NFIX: variants seen among roughly 807,000 people sequenced by gnomAD.
NFIX encodes nuclear factor I X.
NFIX carries 2 observed loss-of-function variants against 53.3 expected under a neutral mutation model. That is an observed-to-expected ratio of 0.04 (90% CI 0.02 to 0.12). The LOEUF (loss-of-function observed/expected upper bound fraction) is 0.12, where lower values mean the gene tolerates loss of function less well. Ranked by LOEUF, NFIX falls within the 10% of genes least tolerant of loss-of-function variation. The pLI is 1.00. For synonymous variants in NFIX, 244 were observed against 289.0 expected (o/e 0.84, Z 1.58); for missense variants, 310 against 674.5 (o/e 0.46, Z 5.99).
chr19:13,037,156 C>T lies in NFIX; in HGVS notation c.559+11604C>T, dbSNP rs926524013. 3.3e-5 allele frequency among the ~76,000 whole-genome samples: 5 copies of T among 152,164 alleles called. No individual in the cohort carries two copies. Among genetic ancestry groups the T allele is most frequent in the Non-Finnish European group, 7.4e-5 (5 of 68,026 alleles). On this transcript the variant is annotated intron_variant, in intron 2 of 10. Transcript: ENST00000592199. The surrounding 1 kb of genome is among the most constrained non-coding windows in gnomAD (Gnocchi z 4.2). ...TCATCTTTAGGGGGTCTCAAGTCCC[C>T]TTTCCTGTGTGTAGCAGATTCTGCC... is the stretch of plus-strand genomic sequence containing the variant.
In NFIX at chr19:13,027,870, A is replaced by G. The variant is rs1163773836; in HGVS notation, c.559+2318A>G. ...CTCCTCTACAAAAGCAGAGTAGGGA[A>G]CTAAGGGTGTATTTTATATCATTCA... On this transcript the variant is annotated intron_variant, in intron 2 of 10. Coordinates refer to ENST00000592199, the MANE Select transcript of NFIX (RefSeq NM_001365902.3). This position sits in a 1 kb window ranked among gnomAD's most constrained non-coding sequence, Gnocchi z 4.3. Among the ~76,000 whole-genome samples, 1 of 152,220 alleles carries G rather than the reference A, an allele frequency of 6.6e-6. No individual in the cohort carries two copies. The highest frequency in any genetic ancestry group is 1.9e-4 in the East Asian group (1 of 5,198).
At chr19:13,016,856 G>C (rs1291850846) in intron 1 of NFIX, among the ~76,000 whole-genome samples, 1 of 151,988 alleles carries the variant, frequency 6.6e-6, no homozygotes, top group African/African-American at 2.4e-5. Flanking sequence ...CTGCTCCTCC[G>C]GGCAGGTACT....
rs2014242312 is a variant in NFIX, at chr19:13,036,939, C to T, written c.559+11387C>T. On this transcript the variant is annotated intron_variant, in intron 2 of 10. Transcript: ENST00000592199. This position sits in a 1 kb window ranked among gnomAD's most constrained non-coding sequence, Gnocchi z 4.7. ...TGTTTCCTTAGTAACAGGAATGCTC[C>T]CGGGGGACCAAGTGAAGAAAGGCCT... Among the ~76,000 whole-genome samples the T allele has an allele frequency of 6.6e-6, 1 of 152,090 alleles. No homozygotes were observed. The highest frequency in any genetic ancestry group is 2.1e-4 in the South Asian group (1 of 4,814).
intron 2 of NFIX, among the ~76,000 whole-genome samples, chr19:13,047,138 G>A (rs1189237888): frequency 1.3e-5 from 2 of 152,038 alleles, no homozygotes; most frequent in Non-Finnish European, 2.9e-5. Context: ...GGATTCTTGG[G>A]ATCAATATCA....
chr19:13,008,937 T>G (rs2012172045), intron 1 of NFIX, among the ~76,000 whole-genome samples: 1 of 152,216 alleles, frequency 6.6e-6, no homozygotes, highest in African/African-American at 2.4e-5. Context: ...GAGTTCCTCC[T>G]GCAGTTCCAG....
rs2016897862 is a variant in NFIX at position 13,073,604 on chromosome 19, A to G, written c.697+108A>G. 1 of 1,032,074 alleles carries G rather than the reference A, an allele frequency of 9.7e-7. No homozygotes were observed. The highest frequency in any genetic ancestry group is 1.5e-6 in the Non-Finnish European group (1 of 662,482). The allele number at this position is 1,032,074 out of a possible 1,614,324, so 63.9% of individuals were successfully genotyped here. Reference sequence around the variant, plus strand: ...TCTTAGGGCAGGTGGATGGGAACAGATGCTTTCTGGGACACTCTCGGCTTC... The same window carrying G: ...TCTTAGGGCAGGTGGATGGGAACAGGTGCTTTCTGGGACACTCTCGGCTTC... On this transcript the variant is annotated intron_variant, in intron 4 of 10. Transcript: ENST00000592199. The surrounding 1 kb of genome is among the most constrained non-coding windows in gnomAD (Gnocchi z 4.5).
chr19:13,029,937 C>G lies in NFIX; in HGVS notation c.559+4385C>G, dbSNP rs984105543. 4.6e-5 allele frequency among the ~76,000 whole-genome samples: 7 copies of G among 152,208 alleles called. 1 individual carries two copies. Among genetic ancestry groups the G allele is most frequent in the Admixed American group, 4.6e-4 (7 of 15,282 alleles). ...CTGTGTCCATACTGCCAAGACGGGG[C>G]TGGTGCCAGCGAGGTTCCCCAAGCC... On this transcript the variant is annotated intron_variant, in intron 2 of 10. Transcript: ENST00000592199.
At position 13,051,852 on chromosome 19, in the gene NFIX, G is replaced by A. The variant is rs2015345128; in HGVS notation, c.560-21195G>A. On this transcript the variant is annotated intron_variant, in intron 2 of 10. Transcript: ENST00000592199. This position sits in a 1 kb window ranked among gnomAD's most constrained non-coding sequence, Gnocchi z 5.1. The stretch of plus-strand genomic sequence containing the variant: ...GCTGCCGCCTTAGCAGGTGCCTGGA[G>A]GGGGCGGGGCGGCTCCCGGGAGCAG... 6.6e-6 allele frequency among the ~76,000 whole-genome samples: 1 copy of A among 152,224 alleles called. No individual in the cohort carries two copies.
intron 2 of NFIX, among the ~76,000 whole-genome samples, chr19:13,050,826 T>C (rs1264171688): frequency 6.6e-6 from 1 of 152,186 alleles, no homozygotes; most frequent in Non-Finnish European, 1.5e-5. Context: ...TCCAGACTAC[T>C]GGGGAAGCTC....
At position 13,051,262 on chromosome 19, in the gene NFIX, C is replaced by T. The variant is rs932423616; in HGVS notation, c.560-21785C>T. Reference sequence around the variant, plus strand: ...CTCTAAATGAGTCACTCAGCTCTGGCTTTGCCAGGTGGCCCAGGGTAGGGG... The same window carrying T: ...CTCTAAATGAGTCACTCAGCTCTGGTTTTGCCAGGTGGCCCAGGGTAGGGG... On this transcript the variant is annotated intron_variant, in intron 2 of 10. Transcript: ENST00000592199. This position sits in a 1 kb window ranked among gnomAD's most constrained non-coding sequence, Gnocchi z 5.1. Among the ~76,000 whole-genome samples the T allele has an allele frequency of 7.4e-4, 113 of 152,210 alleles. No homozygotes were observed. Among genetic ancestry groups the T allele is most frequent in the African/African-American group, 2.6e-3 (108 of 41,448 alleles).
At chr19:13,024,125 A>G in intron 1 of NFIX, 1 of 901,938 alleles carries the variant, frequency 1.1e-6, no homozygotes, top group Non-Finnish European at 1.7e-6. Flanking sequence ...AAAAAAAAAA[A>G]AAAAACCAAA....
In NFIX at chr19:13,022,571, C is replaced by T. The variant is rs2012996513; in HGVS notation, c.28-2450C>T. 6.6e-6 allele frequency among the ~76,000 whole-genome samples: 1 copy of T among 151,508 alleles called. No individual in the cohort carries two copies. Among genetic ancestry groups the T allele is most frequent in the African/African-American group, 2.4e-5 (1 of 41,192 alleles). On this transcript the variant is annotated intron_variant, in intron 1 of 10. Coordinates refer to ENST00000592199, the MANE Select transcript of NFIX (RefSeq NM_001365902.3). The surrounding 1 kb of genome is among the most constrained non-coding windows in gnomAD (Gnocchi z 4.5). ...GTGGCCGGGGAGGAAAACTTCCACTCGCCCCTGTGTGCTCCATAGGAAGAA... is the reference window on the plus strand; with the variant it reads ...GTGGCCGGGGAGGAAAACTTCCACTTGCCCCTGTGTGCTCCATAGGAAGAA...
At position 13,068,628 on chromosome 19, in the gene NFIX, A is replaced by G. The variant is rs1022942320; in HGVS notation, c.560-4419A>G. Among the ~76,000 whole-genome samples, 2 of 152,244 alleles carry G rather than the reference A, an allele frequency of 1.3e-5. No homozygotes were observed. Among genetic ancestry groups the G allele is most frequent in the Non-Finnish European group, 2.9e-5 (2 of 68,048 alleles). Reference sequence around the variant, plus strand: ...GGAATGACCAGTGGTGTGCAGATGAATACAGAGTGGCCCCAGAACCTGGAG... The same window carrying G: ...GGAATGACCAGTGGTGTGCAGATGAGTACAGAGTGGCCCCAGAACCTGGAG... On this transcript the variant is annotated intron_variant, in intron 2 of 10. Transcript: ENST00000592199. The surrounding 1 kb of genome is among the most constrained non-coding windows in gnomAD (Gnocchi z 4.2).
In NFIX at chr19:13,025,692, C is replaced by T. The variant is rs1293664651; in HGVS notation, c.559+140C>T. ...TGCCCGTCCTGCGGGGCCTGCAACA[C>T]GGTTCTATGGGCCCTTTTCCTTTTT... On this transcript the variant is annotated intron_variant, in intron 2 of 10. Transcript: ENST00000592199. The surrounding 1 kb of genome is among the most constrained non-coding windows in gnomAD (Gnocchi z 7.5). 14 of 935,610 alleles carry T rather than the reference C, an allele frequency of 1.5e-5. No homozygotes were observed. The highest frequency in any genetic ancestry group is 2.6e-5 in the East Asian group (1 of 38,334). The allele number at this position is 935,610 out of a possible 1,614,324, so 58.0% of individuals were successfully genotyped here.
intron 2 of NFIX, among the ~76,000 whole-genome samples, chr19:13,059,733 G>A (rs1299981714): frequency 6.7e-6 from 1 of 148,152 alleles, no homozygotes; most frequent in African/African-American, 2.6e-5. Context: ...CAGGGCAAGA[G>A]GGATGCTTTT....
Position 13,094,969 on chromosome 19 carries a change from C to T in NFIX, c.*320C>T. 3.0e-6 allele frequency: 1 copy of T among 330,180 alleles called. No homozygotes were observed. The highest frequency in any genetic ancestry group is 5.6e-6 in the Non-Finnish European group (1 of 177,368). The allele number at this position is 330,180 out of a possible 1,614,324, so 20.5% of individuals were successfully genotyped here. A position where few individuals can be genotyped will look rare whatever the true frequency, so the allele number is the denominator to read the frequency against. ...GAAAGGATGCAGAACTGCCTTCCTC[C>T]CCCTGACCCCGCCCCGGCCTTCTGG... On this transcript the variant is annotated 3_prime_UTR_variant, in exon 11 of 11. Transcript: ENST00000592199. This position sits in a 1 kb window ranked among gnomAD's most constrained non-coding sequence, Gnocchi z 4.3.
chr19:13,077,436 C>T (rs1215937492), intron 6 of NFIX, among the ~76,000 whole-genome samples: 2 of 152,164 alleles, frequency 1.3e-5, no homozygotes, highest in East Asian at 3.9e-4. Context: ...GGACAGGGAA[C>T]AGCTGGGGAG....
In NFIX at chr19:13,036,328, T is replaced by G. The variant is rs1250394401; in HGVS notation, c.559+10776T>G. ...GATTTATTTCATCATAATTGTTTGT[T>G]TTGGGTTTAACAATACAGCAGGGAG... On this transcript the variant is annotated intron_variant, in intron 2 of 10. Coordinates refer to ENST00000592199, the MANE Select transcript of NFIX (RefSeq NM_001365902.3). This position sits in a 1 kb window ranked among gnomAD's most constrained non-coding sequence, Gnocchi z 4.7. Among the ~76,000 whole-genome samples, 1 of 152,186 alleles carries G rather than the reference T, an allele frequency of 6.6e-6. No homozygotes were observed. The highest frequency in any genetic ancestry group is 1.5e-5 in the Non-Finnish European group (1 of 68,036).
chr19:13,026,067 A>G (rs2013320448), intron 2 of NFIX, among the ~76,000 whole-genome samples: 1 of 152,184 alleles, frequency 6.6e-6, no homozygotes, highest in African/African-American at 2.4e-5. Flanking sequence ...ACCCTGGGAT[A>G]TGAGACTGAA....
Sources: allele counts gnomAD v4.1 joint callset (sites outside exome capture counted in the v4.1 genomes callset), GRCh38; gene constraint gnomAD v4.1.1; non-coding constraint Gnocchi (gnomAD v3.1); transcripts MANE v1.5; gene names NCBI Gene and HGNC (gene_info 2026-07-23, HGNC 2026-07-21).